HYKK: variants seen among roughly 807,000 people sequenced by gnomAD.
The protein encoded by HYKK is hydroxylysine kinase, also known as 5-hydroxy-L-lysine kinase.
A neutral mutation model predicts 29.7 loss-of-function variants in HYKK; 19 were observed. The observed-to-expected ratio is 0.64, with a 90% CI of 0.45 to 0.94. The LOEUF (loss-of-function observed/expected upper bound fraction) is 0.94, where lower values mean the gene tolerates loss of function less well. Among genes scored for constraint, HYKK ranks in the 40% least tolerant of loss-of-function variants. HYKK has a pLI of 0.00. For synonymous variants in HYKK, 152 were observed against 158.1 expected (o/e 0.96, Z 0.29); for missense variants, 390 against 443.4 (o/e 0.88, Z 1.08).
At chr15:78,522,158 T>G (rs1266631309) in intron 3 of HYKK, among the ~76,000 whole-genome samples, 2 of 152,054 alleles carry the variant, frequency 1.3e-5, no homozygotes, top group African/African-American at 4.8e-5. Context: ...CAGTTAAAAT[T>G]TCAAACAGTA....
chr15:78,537,365 A>G, downstream of HYKK: 1 of 621,214 alleles, frequency 1.6e-6, no homozygotes. Context: ...TGTAAGAATG[A>G]ACACACCACT....
In HYKK at chr15:78,535,568, A is replaced by G. The variant is rs1194749482; in HGVS notation, c.*1898A>G. On this transcript the variant is annotated 3_prime_UTR_variant, in exon 5 of 5. Coordinates refer to ENST00000388988, the MANE Select transcript of HYKK (RefSeq NM_001013619.4). Reference sequence around the variant, plus strand: ...TTAGGACTCAGTAACTATTTACTCAATAAATGAACCATATTCCAGGTTACC... The same window carrying G: ...TTAGGACTCAGTAACTATTTACTCAGTAAATGAACCATATTCCAGGTTACC... 6.6e-6 allele frequency: 1 copy of G among 152,084 alleles called. No individual in the cohort carries two copies. Among genetic ancestry groups the G allele is most frequent in the Non-Finnish European group, 1.5e-5 (1 of 68,004 alleles). The allele number at this position is 152,084 out of a possible 1,614,324, so 9.4% of individuals were successfully genotyped here.
chr15:78,512,357 G>C (rs1311876190), intron 1 of HYKK, among the ~76,000 whole-genome samples: 1 of 151,224 alleles, frequency 6.6e-6, no homozygotes, highest in Middle Eastern at 3.2e-3. Flanking sequence ...TCATGGATTA[G>C]AAGTCTGGAG....
At position 78,527,551 on chromosome 15, in the gene HYKK, C is replaced by A; in HGVS notation, c.649C>A (p.His217Asn). ...FKEEVMTKLS[H>N]FRECINHGDL... ...GGAGGAAGTAATGACCAAATTAAGT[C>A]ATTTTCGAGAATGTGAGTATTCTCC... Residue 217 changes from histidine (H) to asparagine (N), a missense_variant, in exon 4 of 5, where the codon CAT becomes AAT. Physicochemically the swap from His to Asn is moderately conservative, Grantham distance 68. Coordinates refer to ENST00000388988, the MANE Select transcript of HYKK (RefSeq NM_001013619.4). 1 of 1,613,638 alleles carries A rather than the reference C, an allele frequency of 6.2e-7. No homozygotes were observed. The highest frequency in any genetic ancestry group is 1.1e-5 in the South Asian group (1 of 91,036).
chr15:78,514,969 T>A lies in HYKK; in HGVS notation c.339T>A (p.Asp113Glu). 1 of 1,541,610 alleles carries A rather than the reference T, an allele frequency of 6.5e-7. No homozygotes were observed. Among genetic ancestry groups the A allele is most frequent in the Non-Finnish European group, 8.8e-7 (1 of 1,138,358 alleles). Reference sequence around the variant, plus strand: ...GGATATTTTATTCCATCCATTTAGATAGTGGCTCTGAAATCAAAAGCTACT... The same window carrying A: ...GGATATTTTATTCCATCCATTTAGAAAGTGGCTCTGAAATCAAAAGCTACT... ...GDNTASLVSV[D>E]SGSEIKSYLV... Residue 113 changes from aspartate to glutamate, a missense_variant and splice_region_variant, in exon 3 of 5, where the codon GAT becomes GAA. Coordinates refer to ENST00000388988, the MANE Select transcript of HYKK (RefSeq NM_001013619.4).
intron 1 of HYKK, among the ~76,000 whole-genome samples, chr15:78,510,341 G>A (rs917179939): frequency 4.6e-5 from 7 of 151,314 alleles, no homozygotes; most frequent in African/African-American, 1.7e-4. Flanking sequence ...CGGCCACCAT[G>A]CCCGGCTAAT....
At position 78,513,102 on chromosome 15, in the gene HYKK, A is replaced by G; in HGVS notation, c.14A>G (p.Asn5Ser). 6.2e-7 allele frequency: 1 copy of G among 1,607,180 alleles called. No homozygotes were observed. The highest frequency in any genetic ancestry group is 8.5e-7 in the Non-Finnish European group (1 of 1,174,770). Reference protein sequence around the residue: MSSGNYQQSEALSKP... With the variant: MSSGSYQQSEALSKP... Reference sequence around the variant, plus strand: ...CCCCTAGACATAATGTCAAGTGGAAACTATCAGCAGTCAGAGGCTCTTAGC... The same window carrying G: ...CCCCTAGACATAATGTCAAGTGGAAGCTATCAGCAGTCAGAGGCTCTTAGC... Residue 5 changes from asparagine (N) to serine (S), a missense_variant, in exon 2 of 5, where the codon AAC (asparagine) becomes AGC (serine). Asn to Ser is a conservative substitution (Grantham distance 46). Transcript: ENST00000388988.
chr15:78,533,384 GTCC>G lies in HYKK; in HGVS notation c.838_840del (p.Pro280del), dbSNP rs779501665. Reference sequence around the variant, plus strand: ...ATGTACATGATGATTGAGAGCAAGAGTCCTATACAAGTAGGAGGCCATGTCCTT... The same window carrying G: ...ATGTACATGATGATTGAGAGCAAGAGTATACAAGTAGGAGGCCATGTCCTT... On this transcript the variant is annotated inframe_deletion, in exon 5 of 5. Transcript: ENST00000388988. The G allele has an allele frequency of 9.9e-6, 16 of 1,614,116 alleles. No individual in the cohort carries two copies. Among genetic ancestry groups the G allele is most frequent in the Non-Finnish European group, 1.4e-5 (16 of 1,180,050 alleles).
At chr15:78,537,334 G>GT (rs776520940), downstream of HYKK, 2 of 655,924 alleles carry the variant, frequency 3.0e-6, no homozygotes, top group South Asian at 3.5e-5. Flanking sequence ...AGAAGACCCA[G>GT]TAAAGATCTG....
At chr15:78,526,421 T>C (rs1420562200) in intron 3 of HYKK, among the ~76,000 whole-genome samples, 3 of 151,580 alleles carry the variant, frequency 2.0e-5, no homozygotes, top group Non-Finnish European at 4.4e-5. Context: ...AGAGAGAGGG[T>C]TGAAATTCTA....
intron 3 of HYKK, among the ~76,000 whole-genome samples, chr15:78,516,343 CTTTTTTTTT>C (rs575124681): frequency 8.6e-6 from 1 of 115,954 alleles, no homozygotes; most frequent in Non-Finnish European, 1.8e-5. Flanking sequence ...AAGGGTTGGT[CTTTTTTTTT>C]TTTTTTTTTT....
intron 3 of HYKK, among the ~76,000 whole-genome samples, chr15:78,524,680 G>A (rs760802632): frequency 2.4e-4 from 36 of 152,194 alleles, no homozygotes; most frequent in Non-Finnish European, 3.5e-4. Flanking sequence ...CTGGTGGTGG[G>A]TGCCTGTAAT....
At chr15:78,519,687 G>C (rs1201117738) in intron 3 of HYKK, among the ~76,000 whole-genome samples, 1 of 152,180 alleles carries the variant, frequency 6.6e-6, no homozygotes, top group Non-Finnish European at 1.5e-5. Flanking sequence ...CTTGAACCCG[G>C]GAGGCGGAGG....
chr15:78,528,671 C>A, intron 4 of HYKK: 1 of 323,292 alleles, frequency 3.1e-6, no homozygotes, highest in Non-Finnish European at 4.4e-6. Flanking sequence ...GGCATGGTGA[C>A]GCGTGCCTGT....
rs1272276374 is a variant in HYKK, at chr15:78,534,141, T to C, written c.*471T>C. On this transcript the variant is annotated 3_prime_UTR_variant, in exon 5 of 5. Transcript: ENST00000388988. ...ATCCCAGTGCATTGTGTCTTTTTCA[T>C]GGCCCATCACTTTGTATAATGGATC... The C allele has an allele frequency of 6.5e-6, 1 of 155,010 alleles. No homozygotes were observed. The highest frequency in any genetic ancestry group is 6.4e-5 in the Admixed American group (1 of 15,510). The allele number at this position is 155,010 out of a possible 1,614,324, so 9.6% of individuals were successfully genotyped here.
chr15:78,528,815 G>A (rs908346189), intron 4 of HYKK: 3 of 979,318 alleles, frequency 3.1e-6, no homozygotes, highest in Admixed American at 1.2e-4. Context: ...AAAAAAAAAG[G>A]GCAAGGAACT....
At position 78,509,055 on chromosome 15, in the gene HYKK, A is replaced by C. The variant is rs117962518; in HGVS notation, c.-6+1384A>C. On this transcript the variant is annotated intron_variant, in intron 1 of 4. Coordinates refer to ENST00000388988, the MANE Select transcript of HYKK (RefSeq NM_001013619.4). Reference sequence around the variant, plus strand: ...AGAGACCTTGTCTCAAAAACAAAAAAAAAAAAATTCCCCTCCATACAAAGG... The same window carrying C: ...AGAGACCTTGTCTCAAAAACAAAAACAAAAAAATTCCCCTCCATACAAAGG... Among the ~76,000 whole-genome samples the C allele has an allele frequency of 9.1e-3, 1,389 of 152,130 alleles. 19 individuals carry two copies. The highest frequency in any genetic ancestry group is 0.064 in the East Asian group (333 of 5,166).
chr15:78,517,688 C>T (rs562372615), intron 3 of HYKK, among the ~76,000 whole-genome samples: 1 of 152,230 alleles, frequency 6.6e-6, no homozygotes, highest in Non-Finnish European at 1.5e-5. Flanking sequence ...CACTGGGATA[C>T]CTTGAGTGGA....
At chr15:78,522,525 C>G (rs1436552586) in intron 3 of HYKK, among the ~76,000 whole-genome samples, 2 of 146,010 alleles carry the variant, frequency 1.4e-5, no homozygotes, top group East Asian at 4.0e-4. Flanking sequence ...CGCCATTGCT[C>G]TCCAGCCTGG....
Sources: allele counts gnomAD v4.1 joint callset (sites outside exome capture counted in the v4.1 genomes callset), GRCh38; gene constraint gnomAD v4.1.1; transcripts MANE v1.5; gene names NCBI Gene and HGNC (gene_info 2026-07-23, HGNC 2026-07-21).